UBE2F: variants seen among roughly 807,000 people sequenced by gnomAD.
The protein encoded by UBE2F is NEDD8-conjugating enzyme UBE2F.
A neutral mutation model predicts 29.6 loss-of-function variants in UBE2F; 5 were observed. That is an observed-to-expected ratio of 0.17 (90% confidence interval 0.09 to 0.36). The LOEUF (loss-of-function observed/expected upper bound fraction) is 0.36, where lower values mean the gene tolerates loss of function less well. UBE2F is among the 10% of genes least tolerant of loss of function. The probability of loss-of-function intolerance (pLI) is 1.00; values close to 1 mark genes in which losing one functional copy is unlikely to be tolerated. For synonymous variants in UBE2F, 66 were observed against 81.8 expected, an observed-to-expected ratio of 0.81 and a Z score of 1.04; for missense variants, 141 against 228.5, an observed-to-expected ratio of 0.62 and a Z score of 2.47.
intron 2 of UBE2F, chr2:237,973,729 A>G: frequency 7.8e-7 from 1 of 1,278,150 alleles, no homozygotes; most frequent in Admixed American, 2.5e-5. Flanking sequence ...AGTTTTCGTG[A>G]CTTCTGCTAT....
chr2:237,994,106 CTTCT>C (rs1408086920), intron 3 of UBE2F, among the ~76,000 whole-genome samples: 85 of 115,102 alleles, frequency 7.4e-4, no homozygotes, highest in Admixed American at 1.7e-3. Flanking sequence ...TCTTCTTCTT[CTTCT>C]TTTTTTTTTT....
intron 3 of UBE2F, among the ~76,000 whole-genome samples, chr2:237,990,226 G>A (rs776212286): frequency 2.4e-4 from 36 of 151,114 alleles, no homozygotes; most frequent in Non-Finnish European, 4.0e-4. Flanking sequence ...ACTGTGGGGG[G>A]GCAGGATAGA....
intron 2 of UBE2F, among the ~76,000 whole-genome samples, chr2:237,987,228 A>G (rs898712541): frequency 6.6e-6 from 1 of 152,112 alleles, no homozygotes; most frequent in Non-Finnish European, 1.5e-5. Flanking sequence ...TTTATTCCCA[A>G]TCATTTTATT....
At chr2:238,014,083 A>G (rs1186354339) in intron 4 of UBE2F, among the ~76,000 whole-genome samples, 1 of 152,206 alleles carries the variant, frequency 6.6e-6, no homozygotes, top group East Asian at 1.9e-4. Context: ...AGGTACTCCC[A>G]GAGCCAGGTG....
At chr2:237,970,293 T>A (rs1019304540) in intron 1 of UBE2F, among the ~76,000 whole-genome samples, 1 of 152,200 alleles carries the variant, frequency 6.6e-6, no homozygotes, top group Non-Finnish European at 1.5e-5. Flanking sequence ...GAGGATCTCT[T>A]GAACCTGGGA....
chr2:237,987,564 G>A (rs2063504494), intron 2 of UBE2F, among the ~76,000 whole-genome samples: 2 of 152,164 alleles, frequency 1.3e-5, no homozygotes, highest in South Asian at 4.1e-4. Context: ...GCAGCTATGA[G>A]GGGGTAACTG....
At position 237,967,073 on chromosome 2, in the gene UBE2F, C is replaced by T; in HGVS notation, c.-76C>T. ...GTGAGGGGCCGCGTCTCGCAGCAGC[C>T]GCCCGGACCGGGCATGGTGTTGGGC... On this transcript the variant is annotated 5_prime_UTR_variant, in exon 1 of 10. Transcript: ENST00000272930. This position sits in a 1 kb window ranked among gnomAD's most constrained non-coding sequence, Gnocchi z 6.3. 2 of 1,329,688 alleles carry T rather than the reference C, an allele frequency of 1.5e-6. No homozygotes were observed. The highest frequency in any genetic ancestry group is 1.9e-6 in the Non-Finnish European group (2 of 1,038,376). The allele number at this position is 1,329,688 out of a possible 1,614,324, so 82.4% of individuals were successfully genotyped here.
chr2:238,032,318 C>A (rs1444464131), intron 8 of UBE2F, 64 bp downstream of exon 8: 2 of 1,363,370 alleles, frequency 1.5e-6, no homozygotes, highest in Non-Finnish European at 2.1e-6. Context: ...TTAGACATTG[C>A]GTTAAGACAT....
chr2:237,973,737 T>C (rs2063218461), intron 2 of UBE2F: 5 of 1,269,064 alleles, frequency 3.9e-6, no homozygotes, highest in Non-Finnish European at 5.1e-6. Context: ...TGACTTCTGC[T>C]ATCCATGTTG....
chr2:237,970,424 G>A (rs1302645575), intron 1 of UBE2F, among the ~76,000 whole-genome samples: 1 of 152,192 alleles, frequency 6.6e-6, no homozygotes. Flanking sequence ...AAACTAGTGT[G>A]TCTGTGGTGA....
At chr2:238,018,784 C>G (rs114676103) in intron 5 of UBE2F, among the ~76,000 whole-genome samples, 1 of 152,118 alleles carries the variant, frequency 6.6e-6, no homozygotes, top group African/African-American at 2.4e-5. Flanking sequence ...CCAATGGAGA[C>G]GGCTGAATTG....
At chr2:237,973,520 G>A in intron 2 of UBE2F, 1 of 537,278 alleles carries the variant, frequency 1.9e-6, no homozygotes, top group African/African-American at 2.0e-5. Flanking sequence ...AGTCAGCAAA[G>A]CCTAAGACTG....
intron 1 of UBE2F, among the ~76,000 whole-genome samples, chr2:237,969,994 C>T (rs1254664923): frequency 3.3e-5 from 5 of 152,104 alleles, no homozygotes; most frequent in African/African-American, 9.7e-5. Context: ...TTTATTGAGG[C>T]GTAATTGAAA....
intron 7 of UBE2F, 51 bp from the exon 8 acceptor site, chr2:238,032,171 C>T (rs1228058722): frequency 1.4e-6 from 2 of 1,459,802 alleles, no homozygotes; most frequent in Non-Finnish European, 1.9e-6. Context: ...GTTTAAAAGA[C>T]TAGGTGCACT....
intron 3 of UBE2F, among the ~76,000 whole-genome samples, chr2:237,990,124 A>G (rs2063553770): frequency 1.3e-5 from 2 of 151,786 alleles, no homozygotes; most frequent in African/African-American, 2.4e-5. Context: ...AAAAAAAAAA[A>G]AAAAAAAAAG....
intron 4 of UBE2F, among the ~76,000 whole-genome samples, chr2:238,011,009 G>A (rs2064011826): frequency 6.6e-6 from 1 of 152,014 alleles, no homozygotes; most frequent in South Asian, 2.1e-4. Flanking sequence ...TTCAAAATCT[G>A]TCTACTTCAC....
chr2:237,969,106 A>AT (rs2063120321), intron 1 of UBE2F, among the ~76,000 whole-genome samples: 1 of 152,184 alleles, frequency 6.6e-6, no homozygotes, highest in South Asian at 2.1e-4. Context: ...AGAGAAGTAC[A>AT]TTTTTTATTA....
intron 2 of UBE2F, among the ~76,000 whole-genome samples, chr2:237,974,818 T>G (rs1250571752): frequency 7.2e-6 from 1 of 138,612 alleles, no homozygotes; most frequent in African/African-American, 2.8e-5. Flanking sequence ...CCCAGCCATT[T>G]TTGTATTCTT....
rs1235980536 is a variant in UBE2F, at chr2:237,986,861, C to T, written c.119-1102C>T. Among the ~76,000 whole-genome samples the T allele has an allele frequency of 2.6e-5, 4 of 152,068 alleles. No individual in the cohort carries two copies. The East Asian group carries it at 5.8e-4, about 22-fold the overall frequency. The stretch of plus-strand genomic sequence containing the variant: ...TTACTTCTGGATTCTATTTTCTGTT[C>T]TGTGTGTCTGTTTTTAAGCCAGTAC... On this transcript the variant is annotated intron_variant, in intron 2 of 9. Transcript: ENST00000272930.
Sources: gnomAD v4.1 joint callset for allele counts (sites outside exome capture counted in the v4.1 genomes callset) on GRCh38, gnomAD v4.1.1 for gene constraint, Gnocchi (gnomAD v3.1) non-coding constraint, MANE v1.5 for transcripts, NCBI Gene and HGNC (gene_info 2026-07-23, HGNC 2026-07-21) for gene names.